NOX4: variants seen among roughly 807,000 people sequenced by gnomAD.
The protein encoded by NOX4 is NADPH oxidase 4.
Under a neutral mutation model 87.6 loss-of-function variants are expected in NOX4, and 69 were observed. The observed-to-expected ratio is 0.79, with a 90% CI of 0.65 to 0.96. NOX4 has a LOEUF of 0.96. Ranked by LOEUF, NOX4 falls within the 40% of genes least tolerant of loss-of-function variation. NOX4 has a pLI of 0.00. For synonymous variants in NOX4, 275 were observed against 238.2 expected, an observed-to-expected ratio of 1.15 and a Z score of -1.42; for missense variants, 680 against 681.5, an observed-to-expected ratio of 1.00 and a Z score of 0.02.
At chr11:89,336,430 T>C (rs1290973548) in intron 16 of NOX4, among the ~76,000 whole-genome samples, 1 of 152,010 alleles carries the variant, frequency 6.6e-6, no homozygotes, top group East Asian at 1.9e-4. Flanking sequence ...TGGCTCATTA[T>C]ATAAGTAAAA....
chr11:89,411,178 ATCT>A (rs761133988), intron 8 of NOX4, among the ~76,000 whole-genome samples: 2 of 152,124 alleles, frequency 1.3e-5, no homozygotes, highest in African/African-American at 2.4e-5. Flanking sequence ...AAGATTAATC[ATCT>A]TCTGACTAAA....
chr11:89,460,917 A>G (rs1006435415), intron 2 of NOX4, among the ~76,000 whole-genome samples: 2 of 152,246 alleles, frequency 1.3e-5, no homozygotes, highest in African/African-American at 4.8e-5. Context: ...CCAAATGTCC[A>G]ACAATGATAG....
At chr11:89,345,983 A>C (rs139326672) in intron 13 of NOX4, among the ~76,000 whole-genome samples, 1 of 152,182 alleles carries the variant, frequency 6.6e-6, no homozygotes, top group Non-Finnish European at 1.5e-5. Context: ...AAGGCATCCA[A>C]ATAAGAAACA....
In NOX4 at chr11:89,490,550, T is replaced by C; in HGVS notation, c.61A>G (p.Ile21Val). 1 of 1,613,014 alleles carries C rather than the reference T, an allele frequency of 6.2e-7. No homozygotes were observed. Among genetic ancestry groups the C allele is most frequent in the Non-Finnish European group, 8.5e-7 (1 of 1,179,080 alleles). The change falls in exon 2 of 18, where the codon ATC becomes GTC. Residue 21 changes from isoleucine to valine, a missense_variant. Coordinates refer to ENST00000263317, the MANE Select transcript of NOX4 (RefSeq NM_016931.5). ...NEGVKHLCLF[I>V]WLSMNVLLFW... The stretch of plus-strand genomic sequence containing the variant: ...AGCAGGACATTCATGGAGAGCCAGA[T>C]GAACTAAACCAATCAGACATGAGAG...
chr11:89,415,052 C>G (rs1942684904), intron 8 of NOX4, among the ~76,000 whole-genome samples: 1 of 152,036 alleles, frequency 6.6e-6, no homozygotes, highest in Non-Finnish European at 1.5e-5. Flanking sequence ...CAGTTATTAG[C>G]TGTGTGACTT....
At chr11:89,499,284 T>G (rs962036639), upstream of NOX4, 5 of 152,170 alleles carry the variant, frequency 3.3e-5, no homozygotes, top group African/African-American at 9.7e-5. Context: ...GCAAGAAATT[T>G]TTCTTCATTA....
At chr11:89,505,367 T>C in the NOX4 span, among the ~76,000 whole-genome samples, 1 of 151,900 alleles carries the variant, frequency 6.6e-6, no homozygotes, top group African/African-American at 2.4e-5. Flanking sequence ...AATTAACATA[T>C]AATTAGAAAC....
chr11:89,417,848 C>A (rs991316214), intron 8 of NOX4, among the ~76,000 whole-genome samples: 2 of 151,942 alleles, frequency 1.3e-5, no homozygotes, highest in Admixed American at 6.6e-5. Context: ...TTTTATTAAT[C>A]CCATTTAATT....
the NOX4 span, among the ~76,000 whole-genome samples, chr11:89,567,146 C>A: frequency 1.4e-3 from 219 of 152,314 alleles, 3 homozygotes; most frequent in East Asian, 0.026. Context: ...GAACACACCC[C>A]TGTTTGCTGG....
chr11:89,371,715 T>C (rs1293529482), intron 12 of NOX4, among the ~76,000 whole-genome samples: 1 of 151,902 alleles, frequency 6.6e-6, no homozygotes, highest in Non-Finnish European at 1.5e-5. Flanking sequence ...TCAACTTATA[T>C]TGGGCATATT....
upstream of NOX4, among the ~76,000 whole-genome samples, chr11:89,492,579 T>A (rs1946886051): frequency 6.6e-6 from 1 of 152,234 alleles, no homozygotes; most frequent in African/African-American, 2.4e-5. Flanking sequence ...CTGTTAGACT[T>A]CACACAATTT....
intron 8 of NOX4, among the ~76,000 whole-genome samples, chr11:89,409,530 T>G (rs1174337107): frequency 6.6e-6 from 1 of 152,196 alleles, no homozygotes; most frequent in Non-Finnish European, 1.5e-5. Context: ...TAAGGCATCG[T>G]TAATGGGGTA....
chr11:89,373,448 T>C lies in NOX4; in HGVS notation c.1119A>G (p.Ile373Met). ...TKATFGVHLK[I>M]VGDWTERFRD... ...TCTACATACCTGTCCAGTCTCCTACTATTTTAAGATGAACCCCAAATGTTG... is the reference window on the plus strand; with the variant it reads ...TCTACATACCTGTCCAGTCTCCTACCATTTTAAGATGAACCCCAAATGTTG... The change falls in exon 12 of 18, where the codon ATA becomes ATG. Residue 373 changes from isoleucine (I) to methionine (M), a missense_variant. Coordinates refer to ENST00000263317, the MANE Select transcript of NOX4 (RefSeq NM_016931.5). 6.3e-7 allele frequency: 1 copy of C among 1,594,640 alleles called. No homozygotes were observed. Among genetic ancestry groups the C allele is most frequent in the African/African-American group, 1.3e-5 (1 of 74,648 alleles).
chr11:89,548,221 G>A, the NOX4 span: 2 of 152,084 alleles, frequency 1.3e-5, no homozygotes. Flanking sequence ...GGTGTCTTTG[G>A]AAAGTAATTA....
In NOX4 at chr11:89,491,288, G is replaced by C; in HGVS notation, c.-42C>G. On this transcript the variant is annotated 5_prime_UTR_variant, in exon 1 of 18. Coordinates refer to ENST00000263317, the MANE Select transcript of NOX4 (RefSeq NM_016931.5). ...CGCTGCGCTCTGTGCCCGCCGGACC[G>C]AGAAGGAGCGGGCGGCGGCCGGGGC... is the stretch of plus-strand genomic sequence containing the variant. The C allele has an allele frequency of 6.3e-7, 1 of 1,583,926 alleles. No individual in the cohort carries two copies. Among genetic ancestry groups the C allele is most frequent in the Non-Finnish European group, 8.6e-7 (1 of 1,163,758 alleles).
chr11:89,412,934 C>T (rs1331516775), intron 8 of NOX4, among the ~76,000 whole-genome samples: 1 of 151,942 alleles, frequency 6.6e-6, no homozygotes, highest in African/African-American at 2.4e-5. Flanking sequence ...ATCCATCTGA[C>T]AAGAGATTAG....
At chr11:89,542,782 T>C in the NOX4 span, among the ~76,000 whole-genome samples, 1 of 152,114 alleles carries the variant, frequency 6.6e-6, no homozygotes, top group African/African-American at 2.4e-5. Context: ...TGAGGCAAAA[T>C]AAAAGCATTT....
At chr11:89,561,239 T>C in the NOX4 span, among the ~76,000 whole-genome samples, 7 of 150,870 alleles carry the variant, frequency 4.6e-5, no homozygotes, top group African/African-American at 1.7e-4. Flanking sequence ...TAGGCAAATA[T>C]ATAATGATAA....
At chr11:89,480,516 G>A (rs1188436056) in intron 2 of NOX4, among the ~76,000 whole-genome samples, 1 of 152,136 alleles carries the variant, frequency 6.6e-6, no homozygotes, top group East Asian at 1.9e-4. Flanking sequence ...ACAGTAAGGT[G>A]AATTATTTTA....
Sources: gnomAD v4.1 joint callset for allele counts (sites outside exome capture counted in the v4.1 genomes callset) on GRCh38, gnomAD v4.1.1 for gene constraint, MANE v1.5 for transcripts, NCBI Gene and HGNC (gene_info 2026-07-23, HGNC 2026-07-21) for gene names.